VTI1A: variants seen among roughly 807,000 people sequenced by gnomAD.
VTI1A encodes the protein vesicle transport through interaction with t-SNAREs homolog 1A.
VTI1A carries 22 observed loss-of-function variants against 34.9 expected under a neutral mutation model. That is an observed-to-expected ratio of 0.63 (90% CI 0.45 to 0.90). VTI1A has a LOEUF of 0.90. VTI1A is among the 40% of genes least tolerant of loss of function. The pLI, the probability that VTI1A is intolerant of heterozygous loss-of-function variation, is 0.00. For missense variants in VTI1A, 268 were observed against 275.6 expected, an observed-to-expected ratio of 0.97 and a Z score of 0.20; for synonymous variants, 87 against 97.3, an observed-to-expected ratio of 0.89 and a Z score of 0.62.
chr10:112,715,958 T>C (rs1849595852), intron 7 of VTI1A, among the ~76,000 whole-genome samples: 1 of 152,178 alleles, frequency 6.6e-6, no homozygotes, highest in Admixed American at 6.5e-5. Flanking sequence ...ACACGCTGCT[T>C]TACCAAACCT....
At chr10:112,536,998 A>G (rs1271578140) in intron 4 of VTI1A, among the ~76,000 whole-genome samples, 1 of 152,006 alleles carries the variant, frequency 6.6e-6, no homozygotes, top group Non-Finnish European at 1.5e-5. Context: ...GTGCATGTCA[A>G]TACAGCTTGC....
At chr10:112,565,049 GAGACCCAT>G in intron 5 of VTI1A, among the ~76,000 whole-genome samples, 1 of 152,200 alleles carries the variant, frequency 6.6e-6, no homozygotes. Flanking sequence ...TATTTGACCA[GAGACCCAT>G]AGTATTGAAG....
At chr10:112,833,871 T>C in the VTI1A span, among the ~76,000 whole-genome samples, 1 of 151,984 alleles carries the variant, frequency 6.6e-6, no homozygotes, top group East Asian at 1.9e-4. Flanking sequence ...AATTAAGCAT[T>C]GTTCAAAGGG....
At chr10:112,470,494 C>G (rs1341652327) in intron 3 of VTI1A, among the ~76,000 whole-genome samples, 3 of 152,156 alleles carry the variant, frequency 2.0e-5, no homozygotes, top group Non-Finnish European at 2.9e-5. Flanking sequence ...GGAAGGCAAG[C>G]AAAGGTTGTC....
At chr10:112,642,334 A>G (rs2133780286) in intron 5 of VTI1A, among the ~76,000 whole-genome samples, 1 of 152,248 alleles carries the variant, frequency 6.6e-6, no homozygotes, top group African/African-American at 2.4e-5. Context: ...TCCGCACAAA[A>G]TGTCTGAGTT....
chr10:112,482,857 C>T (rs1327492373), intron 3 of VTI1A, among the ~76,000 whole-genome samples: 1 of 152,180 alleles, frequency 6.6e-6, no homozygotes, highest in Non-Finnish European at 1.5e-5. Context: ...TATGCCCATG[C>T]TTCTCATTCT....
Position 112,772,886 on chromosome 10 carries a change from G to A in VTI1A, c.561-42404G>A, listed in dbSNP as rs146243320. ...TTGGTCAGTCGGAACAAAACTGACC[G>A]ACTGGCATAGGTCATTCAGAGCAGA... On this transcript the variant is annotated intron_variant, in intron 7 of 7. Transcript: ENST00000393077. Among the ~76,000 whole-genome samples, 785 of 152,292 alleles carry A rather than the reference G, an allele frequency of 5.2e-3. 7 individuals carry two copies. Among genetic ancestry groups the A allele is most frequent in the African/African-American group, 0.018 (751 of 41,572 alleles).
At chr10:112,504,275 C>T (rs570657669) in intron 3 of VTI1A, among the ~76,000 whole-genome samples, 6 of 152,268 alleles carry the variant, frequency 3.9e-5, no homozygotes, top group African/African-American at 1.4e-4. Context: ...CCCAAATCTC[C>T]AACCCAGGTA....
chr10:112,691,967 T>C (rs1247114844), intron 7 of VTI1A, among the ~76,000 whole-genome samples: 1 of 152,230 alleles, frequency 6.6e-6, no homozygotes, highest in Non-Finnish European at 1.5e-5. Context: ...AGTCCACATA[T>C]CTTCAATACT....
At chr10:112,659,123 G>GT (rs1344513492) in intron 5 of VTI1A, among the ~76,000 whole-genome samples, 1 of 152,064 alleles carries the variant, frequency 6.6e-6, no homozygotes, top group Non-Finnish European at 1.5e-5. Context: ...AGCACTTTTT[G>GT]TTTTTTTAGA....
At chr10:112,651,589 G>A (rs540813359) in intron 5 of VTI1A, among the ~76,000 whole-genome samples, 2 of 152,340 alleles carry the variant, frequency 1.3e-5, no homozygotes, top group South Asian at 2.1e-4. Context: ...GATTACAGGC[G>A]TAAGCCACCG....
the VTI1A span, among the ~76,000 whole-genome samples, chr10:112,845,305 G>A: frequency 5.9e-5 from 9 of 152,300 alleles, no homozygotes; most frequent in Admixed American, 5.2e-4. Context: ...CACAGACCTC[G>A]CCTGCTGATT....
intron 7 of VTI1A, among the ~76,000 whole-genome samples, chr10:112,779,513 T>G (rs1363004436): frequency 6.6e-6 from 1 of 152,210 alleles, no homozygotes; most frequent in African/African-American, 2.4e-5. Flanking sequence ...TATTCTAAGC[T>G]TTTATATACT....
chr10:112,502,568 A>G (rs1319439419), intron 3 of VTI1A, among the ~76,000 whole-genome samples: 3 of 152,256 alleles, frequency 2.0e-5, no homozygotes, highest in Admixed American at 6.5e-5. Context: ...TTACATGAAC[A>G]TGACTGTGGA....
intron 7 of VTI1A, among the ~76,000 whole-genome samples, chr10:112,709,285 G>T (rs958153007): frequency 6.6e-6 from 1 of 152,182 alleles, no homozygotes; most frequent in African/African-American, 2.4e-5. Flanking sequence ...GAAAGTTGGA[G>T]CCCTGTATTT....
intron 5 of VTI1A, among the ~76,000 whole-genome samples, chr10:112,592,308 C>T (rs1327938251): frequency 1.3e-5 from 2 of 152,152 alleles, no homozygotes; most frequent in Admixed American, 6.5e-5. Flanking sequence ...TGTTTTAAGC[C>T]ACCGAGCTTT....
At chr10:112,694,983 A>G (rs1848731426) in intron 7 of VTI1A, among the ~76,000 whole-genome samples, 1 of 152,146 alleles carries the variant, frequency 6.6e-6, no homozygotes, top group Non-Finnish European at 1.5e-5. Flanking sequence ...ATAAATAAAT[A>G]AATAAATAGC....
chr10:112,637,529 C>A (rs929551879), intron 5 of VTI1A, among the ~76,000 whole-genome samples: 2 of 152,104 alleles, frequency 1.3e-5, no homozygotes, highest in African/African-American at 2.4e-5. Context: ...CGTGGTGGCA[C>A]ATGCCTGTAG....
rs138322120 is a variant in VTI1A, at chr10:112,767,944, G to GCCGGACACGTATTACTTCC, written c.561-47343_561-47325dup. Among the ~76,000 whole-genome samples, 14,099 of 151,774 alleles carry GCCGGACACGTATTACTTCC rather than the reference G, an allele frequency of 0.093. 940 individuals carry two copies. Among genetic ancestry groups the GCCGGACACGTATTACTTCC allele is most frequent in the East Asian group, 0.25 (1,265 of 5,106 alleles). On this transcript the variant is annotated intron_variant, in intron 7 of 7. Coordinates refer to ENST00000393077, the MANE Select transcript of VTI1A (RefSeq NM_145206.4). The surrounding 1 kb of genome is among the most constrained non-coding windows in gnomAD (Gnocchi z 4.0). ...GCCCAGAGGCACTAGTGTCACAGAA[G>GCCGGACACGTATTACTTCC]CCGGACACGTATTACTTCCCCCTTG...
Sources: allele counts gnomAD v4.1 joint callset (sites outside exome capture counted in the v4.1 genomes callset), GRCh38; gene constraint gnomAD v4.1.1; non-coding constraint Gnocchi (gnomAD v3.1); transcripts MANE v1.5; gene names NCBI Gene and HGNC (gene_info 2026-07-23, HGNC 2026-07-21).